GREB1L: variants seen among roughly 807,000 people sequenced by gnomAD.
GREB1L encodes GREB1 like retinoic acid receptor coactivator.
In GREB1L, 17 loss-of-function variants were observed where a neutral mutation model predicts 200.8. The observed-to-expected ratio is 0.08, with a 90% CI of 0.06 to 0.13. GREB1L has a LOEUF of 0.13. Among genes scored for constraint, GREB1L ranks in the 10% least tolerant of loss-of-function variants. The pLI, the probability that GREB1L is intolerant of heterozygous loss-of-function variation, is 1.00. For missense variants in GREB1L, 1,657 were observed against 2,367.7 expected (o/e 0.70, Z 6.23); for synonymous variants, 789 against 893.0 (o/e 0.88, Z 2.08).
chr18:21,399,125 C>G (rs2041203886), intron 5 of GREB1L, among the ~76,000 whole-genome samples: 1 of 152,212 alleles, frequency 6.6e-6, no homozygotes, highest in Non-Finnish European at 1.5e-5. Context: ...CAAACTCAAC[C>G]TCAGTAGTTT....
intron 7 of GREB1L, among the ~76,000 whole-genome samples, chr18:21,411,322 T>A (rs2030978350): frequency 6.6e-6 from 1 of 151,910 alleles, no homozygotes; most frequent in Non-Finnish European, 1.5e-5. Context: ...TTCTCCTGCC[T>A]CAGCCTCCCG....
chr18:21,373,436 C>G (rs1450255766), intron 2 of GREB1L, among the ~76,000 whole-genome samples: 1 of 152,112 alleles, frequency 6.6e-6, no homozygotes, highest in Non-Finnish European at 1.5e-5. Flanking sequence ...CAGGTTCATG[C>G]GATTCTCCTG....
chr18:21,368,907 G>A (rs117858940), intron 2 of GREB1L, among the ~76,000 whole-genome samples: 2,868 of 152,216 alleles, frequency 0.019, 44 homozygotes, highest in Non-Finnish European at 0.032. Context: ...AGTATTTAAT[G>A]TGTTATTATT....
intron 1 of GREB1L, among the ~76,000 whole-genome samples, chr18:21,309,981 C>A (rs866394624): frequency 6.6e-6 from 1 of 152,124 alleles, no homozygotes; most frequent in South Asian, 2.1e-4. Context: ...CTAATCTAGA[C>A]CTTAACCTGT....
intron 5 of GREB1L, among the ~76,000 whole-genome samples, chr18:21,396,337 G>T (rs749884192): frequency 1.3e-5 from 2 of 152,122 alleles, no homozygotes; most frequent in Non-Finnish European, 2.9e-5. Flanking sequence ...GAGCCACCAC[G>T]CCCGGCCTTT....
intron 15 of GREB1L, among the ~76,000 whole-genome samples, chr18:21,461,322 G>A (rs2035038026): frequency 6.6e-6 from 1 of 151,652 alleles, no homozygotes; most frequent in Non-Finnish European, 1.5e-5. Flanking sequence ...TTTCTCTCTG[G>A]GGTCTCGTTC....
chr18:21,296,226 A>G (rs961166208), intron 1 of GREB1L, among the ~76,000 whole-genome samples: 38 of 152,350 alleles, frequency 2.5e-4, no homozygotes, highest in Non-Finnish European at 1.3e-4. Context: ...TGGTACATAT[A>G]CACCATGGAA....
intron 1 of GREB1L, among the ~76,000 whole-genome samples, chr18:21,256,108 A>T (rs2037794766): frequency 6.6e-6 from 1 of 152,196 alleles, no homozygotes; most frequent in Non-Finnish European, 1.5e-5. Context: ...GCATCATTTT[A>T]AAAAATGGCT....
rs546044928 is a variant in GREB1L at position 21,449,864 on chromosome 18, T to C, written c.1720+28T>C. The C allele has an allele frequency of 4.9e-6, 7 of 1,431,930 alleles. No individual in the cohort carries two copies. In the South Asian group the frequency reaches 8.6e-5, roughly 18 times the overall value. The allele number at this position is 1,431,930 out of a possible 1,614,324, so 88.7% of individuals were successfully genotyped here. On this transcript the variant is annotated intron_variant, in intron 12 of 32. Transcript: ENST00000424526. ...GAGTAATTTTTTTGTTTTTTGTTTGTTTAATCAATTCATTCGACCATTTTT... is the reference window on the plus strand; with the variant it reads ...GAGTAATTTTTTTGTTTTTTGTTTGCTTAATCAATTCATTCGACCATTTTT...
chr18:21,331,983 TAGAG>T (rs1360585745), intron 1 of GREB1L, among the ~76,000 whole-genome samples: 1 of 152,258 alleles, frequency 6.6e-6, no homozygotes, highest in Admixed American at 6.5e-5. Flanking sequence ...CTTTGAAAGT[TAGAG>T]ACTCAATATA....
intron 1 of GREB1L, among the ~76,000 whole-genome samples, chr18:21,280,139 A>G (rs1398443176): frequency 2.6e-5 from 4 of 152,190 alleles, no homozygotes. Context: ...TTAGCATATC[A>G]TGCAGGATAG....
At chr18:21,404,379 T>C (rs905071447) in intron 7 of GREB1L, among the ~76,000 whole-genome samples, 16 of 152,270 alleles carry the variant, frequency 1.1e-4, no homozygotes, top group African/African-American at 3.8e-4. Context: ...CAGAACGTCA[T>C]AGGGAGTAGT....
At chr18:21,318,801 T>G (rs1263311318) in intron 1 of GREB1L, among the ~76,000 whole-genome samples, 11 of 151,906 alleles carry the variant, frequency 7.2e-5, no homozygotes, top group Non-Finnish European at 1.6e-4. Flanking sequence ...GCGTAACAGA[T>G]GCCCACTGAC....
rs546846303 is a variant in GREB1L at position 21,412,887 on chromosome 18, C to T, written c.832+8893C>T. On this transcript the variant is annotated intron_variant, in intron 7 of 32. Coordinates refer to ENST00000424526, the MANE Select transcript of GREB1L (RefSeq NM_001142966.3). ...ACATATATGTACCAATGTATGTAGT[C>T]CTCATACTTTGATAGCAAGTAGTAT... Among the ~76,000 whole-genome samples, 8 of 152,116 alleles carry T rather than the reference C, an allele frequency of 5.3e-5. No homozygotes were observed. In the South Asian group the frequency reaches 1.5e-3, roughly 28 times the overall value.
In GREB1L at chr18:21,500,247, C is replaced by A. The variant is rs1480914515; in HGVS notation, c.3910C>A (p.Pro1304Thr). 1.3e-6 allele frequency: 2 copies of A among 1,512,920 alleles called. No homozygotes were observed. Among genetic ancestry groups the A allele is most frequent in the East Asian group, 4.9e-5 (2 of 40,770 alleles). 93.7% of individuals were successfully genotyped at this position (1,512,920 alleles called of 1,614,324 possible). The change falls in exon 22 of 33, where the codon CCG (proline) becomes ACG (threonine). Residue 1304 changes from proline to threonine, a missense_variant. By Grantham distance (38) the Pro-to-Thr change is conservative. Transcript: ENST00000424526. ...HHADYSNQLD[P>T]ASGTRNFHPR... Reference sequence around the variant, plus strand: ...CGCTGACTATAGCAACCAGCTGGACCCGGCCTCTGGCACCCGAAACTTCCA... The same window carrying A: ...CGCTGACTATAGCAACCAGCTGGACACGGCCTCTGGCACCCGAAACTTCCA...
At chr18:21,304,477 CTCAAGTG>C (rs1232651312) in intron 1 of GREB1L, among the ~76,000 whole-genome samples, 1 of 151,948 alleles carries the variant, frequency 6.6e-6, no homozygotes, top group African/African-American at 2.4e-5. Flanking sequence ...CCCCACCTTT[CTCAAGTG>C]TATGTTTTTA....
chr18:21,457,521 AT>A (rs1421472738), intron 15 of GREB1L, among the ~76,000 whole-genome samples: 2 of 152,176 alleles, frequency 1.3e-5, no homozygotes, highest in Non-Finnish European at 2.9e-5. Flanking sequence ...CACTGTTAAA[AT>A]GTTGGCATTA....
rs2037430366 is a variant in GREB1L at position 21,516,719 on chromosome 18, G to A, written c.5236G>A (p.Gly1746Arg). 2 of 1,551,522 alleles carry A rather than the reference G, an allele frequency of 1.3e-6. No individual in the cohort carries two copies. The highest frequency in any genetic ancestry group is 1.4e-5 in the African/African-American group (1 of 73,120). The change falls in exon 30 of 33, where the codon GGG (glycine) becomes AGG (arginine). Residue 1746 changes from glycine (G) to arginine (R), a missense_variant. Physicochemically the swap from Gly to Arg is moderately radical, Grantham distance 125. This residue lies in a region of GREB1L where 190 missense variants were observed against 230.2 expected (regional missense o/e 0.83). Transcript: ENST00000424526. ...SLMKKHVQVGGQRDFIIKPKI... is the reference protein window; with the variant it reads ...SLMKKHVQVGRQRDFIIKPKI... The stretch of plus-strand genomic sequence containing the variant: ...CATGAAGAAACATGTTCAGGTTGGA[G>A]GGCAAAGGGACTTTATCATTAAACC...
chr18:21,387,402 C>T (rs2040587926), intron 4 of GREB1L: 1 of 152,164 alleles, frequency 6.6e-6, no homozygotes, highest in Non-Finnish European at 1.5e-5. Flanking sequence ...AAATTAAAAT[C>T]ATTTGCTCTG....
Sources: gnomAD v4.1 joint callset for allele counts (sites outside exome capture counted in the v4.1 genomes callset) on GRCh38, gnomAD v4.1.1 for gene constraint, gnomAD v4.1.1 regional missense constraint, MANE v1.5 for transcripts, NCBI Gene and HGNC (gene_info 2026-07-23, HGNC 2026-07-21) for gene names.